Variants in ACOT8 observed in about 807,000 individuals in gnomAD.
ACOT8 encodes the protein acyl-coenzyme A thioesterase 8.
Under a neutral mutation model 38.4 loss-of-function variants are expected in ACOT8, and 31 were observed. The observed-to-expected ratio is 0.81, with a 90% CI of 0.61 to 1.09. ACOT8 has a LOEUF of 1.09. Among genes scored for constraint, ACOT8 ranks in the 50% least tolerant of loss-of-function variants. The pLI, the probability that ACOT8 is intolerant of heterozygous loss-of-function variation, is 0.00. For synonymous variants in ACOT8, 158 were observed against 170.3 expected (o/e 0.93, Z 0.56); for missense variants, 373 against 421.8 (o/e 0.88, Z 1.01).
In ACOT8 at chr20:45,844,304, T is replaced by C. The variant is rs1984509687; in HGVS notation, c.605A>G (p.Glu202Gly). The C allele has an allele frequency of 1.9e-6, 3 of 1,614,072 alleles. No individual in the cohort carries two copies. Residue 202 changes from glutamate to glycine, a missense_variant, in exon 4 of 6, where the codon GAG becomes GGG. By Grantham distance (98) the Glu-to-Gly change is moderately conservative. Transcript: ENST00000217455. ...TCGCACCCAGAACATCTGTTTGGGC[T>C]CCATTCTCTGCAGCTGGCTCAGGGG... ...PSPLSQLQRM[E>G]PKQMFWVRAR... is the part of the protein sequence containing the mutation.
intron 2 of ACOT8, among the ~76,000 whole-genome samples, chr20:45,850,103 G>A (rs938750567): frequency 9.2e-5 from 14 of 152,220 alleles, no homozygotes; most frequent in East Asian, 5.8e-4. Context: ...CTAGCTACTC[G>A]GGAGGCTGCA....
rs751125055 is a variant in ACOT8 at position 45,848,681 on chromosome 20, G to T, written c.263-6C>A. 1 of 1,599,392 alleles carries T rather than the reference G, an allele frequency of 6.3e-7. No individual in the cohort carries two copies. The highest frequency in any genetic ancestry group is 8.5e-7 in the Non-Finnish European group (1 of 1,171,522). On this transcript the variant is annotated splice_polypyrimidine_tract_variant and splice_region_variant and intron_variant, in intron 2 of 5. Coordinates refer to ENST00000217455, the MANE Select transcript of ACOT8 (RefSeq NM_005469.4). ...TACTGGCAGCTTCGGGTCCCCTGCAGTGGGCACAAGGACACAGTGGGTCCA... is the reference window on the plus strand; with the variant it reads ...TACTGGCAGCTTCGGGTCCCCTGCATTGGGCACAAGGACACAGTGGGTCCA...
chr20:45,852,690 C>T (rs1203965411), intron 2 of ACOT8, among the ~76,000 whole-genome samples: 1 of 152,200 alleles, frequency 6.6e-6, no homozygotes, highest in African/African-American at 2.4e-5. Flanking sequence ...TTAATATTCC[C>T]ATAATAACTA....
At position 45,857,229 on chromosome 20, in the gene ACOT8, C is replaced by T. The variant is rs1465082238; in HGVS notation, c.87G>A (p.Thr29=). ...CCAGCGGCTCGAGGTTGAGCACGGTCGTGACCAAGACGCTACGGAGGTCCC... is the reference window on the plus strand; with the variant it reads ...CCAGCGGCTCGAGGTTGAGCACGGTTGTGACCAAGACGCTACGGAGGTCCC... ...PPGDLRSVLV[T]TVLNLEPLDE... is the part of the protein sequence containing the mutation. Residue 29 remains threonine (T), a synonymous_variant, in exon 1 of 6, where the codon ACG becomes ACA. Coordinates refer to ENST00000217455, the MANE Select transcript of ACOT8 (RefSeq NM_005469.4). The T allele has an allele frequency of 5.0e-6, 8 of 1,613,584 alleles. No individual in the cohort carries two copies. The highest frequency in any genetic ancestry group is 6.8e-6 in the Non-Finnish European group (8 of 1,179,998).
At chr20:45,855,028 G>C in intron 2 of ACOT8, 131 bp downstream of exon 2, 1 of 1,304,558 alleles carries the variant, frequency 7.7e-7, no homozygotes, top group Non-Finnish European at 1.1e-6. Context: ...ACACCTCTTA[G>C]GGTGGTAGTG....
chr20:45,841,947 C>G lies in ACOT8; in HGVS notation c.851G>C (p.Arg284Pro). The G allele has an allele frequency of 6.2e-7, 1 of 1,613,316 alleles. No individual in the cohort carries two copies. Among genetic ancestry groups the G allele is most frequent in the Non-Finnish European group, 8.5e-7 (1 of 1,180,006 alleles). ...ECESPWAGGSRGLVHGRLWRQ... is the reference protein window; with the variant it reads ...ECESPWAGGSPGLVHGRLWRQ... ...CCACAGCCGCCCATGGACCAGCCCCCGAGAGCCACCTGTGGGTGAGGTGAA... is the reference window on the plus strand; with the variant it reads ...CCACAGCCGCCCATGGACCAGCCCCGGAGAGCCACCTGTGGGTGAGGTGAA... Residue 284 changes from arginine (R) to proline (P), a missense_variant, in exon 6 of 6, where the codon CGG becomes CCG. Transcript: ENST00000217455.
rs376875482 is a variant in ACOT8, at chr20:45,852,958, T to G, written c.262+2201A>C. Among the ~76,000 whole-genome samples the G allele has an allele frequency of 2.4e-4, 36 of 152,012 alleles. No homozygotes were observed. The East Asian group carries it at 6.6e-3, about 28-fold the overall frequency. ...TAATTTTTAGTATTTTAGTAGAGACTGGGTTTCACCATGTTGCCCAGGCTG... is the reference window on the plus strand; with the variant it reads ...TAATTTTTAGTATTTTAGTAGAGACGGGGTTTCACCATGTTGCCCAGGCTG... On this transcript the variant is annotated intron_variant, in intron 2 of 5. Coordinates refer to ENST00000217455, the MANE Select transcript of ACOT8 (RefSeq NM_005469.4).
chr20:45,849,378 A>G (rs1205848811), intron 2 of ACOT8, among the ~76,000 whole-genome samples: 1 of 151,704 alleles, frequency 6.6e-6, no homozygotes, highest in African/African-American at 2.4e-5. Context: ...TCCACCTCTC[A>G]GGTTCAAGCG....
intron 2 of ACOT8, among the ~76,000 whole-genome samples, chr20:45,850,545 T>C (rs1424575361): frequency 2.0e-5 from 3 of 152,170 alleles, no homozygotes; most frequent in Non-Finnish European, 4.4e-5. Flanking sequence ...CATTGTCTGT[T>C]TGTATATTCA....
intron 4 of ACOT8, 142 bp from the exon 5 acceptor site, chr20:45,843,863 T>A (rs1425570185): frequency 1.6e-5 from 23 of 1,424,538 alleles, no homozygotes; most frequent in Non-Finnish European, 1.9e-5. Flanking sequence ...TGTGTGTGTG[T>A]GATAGGGGAG....
At position 45,841,734 on chromosome 20, in the gene ACOT8, G is replaced by C. The variant is rs1274994744; in HGVS notation, c.*104C>G. ...AAAGCCAGCCACTCCAGTGGTATCA[G>C]TCTCTTTATTGGATGTGAGGGCCAA... On this transcript the variant is annotated 3_prime_UTR_variant, in exon 6 of 6. Transcript: ENST00000217455. The C allele has an allele frequency of 1.1e-5, 16 of 1,443,942 alleles. No homozygotes were observed. Among genetic ancestry groups the C allele is most frequent in the Non-Finnish European group, 1.4e-5 (16 of 1,105,006 alleles). 89.4% of individuals were successfully genotyped at this position (1,443,942 alleles called of 1,614,324 possible).
rs1406050554 is a variant in ACOT8 at position 45,844,429 on chromosome 20, A to C, written c.489-9T>G. On this transcript the variant is annotated splice_polypyrimidine_tract_variant and intron_variant, in intron 3 of 5. Transcript: ENST00000217455. ...TTTGGAGGTTAGGGTCCCTGAAAGT[A>C]AAGGGAAGAGGGTCGGGGTGAGACC... 1 of 1,613,564 alleles carries C rather than the reference A, an allele frequency of 6.2e-7. No homozygotes were observed. Among genetic ancestry groups the C allele is most frequent in the African/African-American group, 1.3e-5 (1 of 74,868 alleles).
chr20:45,845,210 TC>T (rs1204801307), intron 3 of ACOT8, among the ~76,000 whole-genome samples: 1 of 152,226 alleles, frequency 6.6e-6, no homozygotes, highest in Non-Finnish European at 1.5e-5. Flanking sequence ...TGCCTCAGCC[TC>T]CCGAGTAGCT....
chr20:45,851,966 T>TA, intron 2 of ACOT8, among the ~76,000 whole-genome samples: 1 of 152,272 alleles, frequency 6.6e-6, no homozygotes, highest in African/African-American at 2.4e-5. Context: ...TCTTTTATTT[T>TA]TAAAATGTAA....
chr20:45,852,704 A>G (rs940677244), intron 2 of ACOT8, among the ~76,000 whole-genome samples: 7 of 152,158 alleles, frequency 4.6e-5, no homozygotes, highest in Non-Finnish European at 8.8e-5. Flanking sequence ...ATAACTACCA[A>G]TTATTTTAGC....
intron 5 of ACOT8, chr20:45,842,349 G>A: frequency 7.3e-7 from 1 of 1,368,714 alleles, no homozygotes; most frequent in South Asian, 1.7e-5. Flanking sequence ...ACAGAGGGAG[G>A]AGCTCTGAGA....
chr20:45,856,156 C>T (rs773299677), intron 1 of ACOT8, among the ~76,000 whole-genome samples: 2 of 152,106 alleles, frequency 1.3e-5, no homozygotes, highest in Non-Finnish European at 2.9e-5. Flanking sequence ...CCCAGCTAAA[C>T]GGGAGACTGA....
At chr20:45,850,694 AAAAAATAAAAAAT>A (rs1270139559) in intron 2 of ACOT8, among the ~76,000 whole-genome samples, 5 of 152,106 alleles carry the variant, frequency 3.3e-5, no homozygotes, top group African/African-American at 1.2e-4. Context: ...CTGTTTCTAC[AAAAAATAAAAAAT>A]AAAAATTAGC....
chr20:45,850,326 A>G (rs772667265), intron 2 of ACOT8, among the ~76,000 whole-genome samples: 2 of 152,204 alleles, frequency 1.3e-5, no homozygotes, highest in Non-Finnish European at 2.9e-5. Flanking sequence ...AGTTGGAAGC[A>G]GGGGCAAAAA....
Sources: gnomAD v4.1 joint callset for allele counts (sites outside exome capture counted in the v4.1 genomes callset) on GRCh38, gnomAD v4.1.1 for gene constraint, MANE v1.5 for transcripts, NCBI Gene and HGNC (gene_info 2026-07-23, HGNC 2026-07-21) for gene names.